Variants in SV2C observed in about 807,000 individuals in gnomAD.
SV2C encodes the protein solute carrier family 22 member B3.
In SV2C, 49 loss-of-function variants were observed where a neutral mutation model predicts 79.7. The ratio of observed to expected loss-of-function variants is 0.61; its 90% CI spans 0.49 to 0.78. The LOEUF is 0.78. Ranked by LOEUF, SV2C falls within the 30% of genes least tolerant of loss-of-function variation. SV2C has a pLI of 0.00. For synonymous variants in SV2C, 334 were observed against 333.2 expected (o/e 1.00, Z -0.03); for missense variants, 833 against 912.9 (o/e 0.91, Z 1.13).
At chr5:75,913,381 C>T in the SV2C span, among the ~76,000 whole-genome samples, 1 of 152,158 alleles carries the variant, frequency 6.6e-6, no homozygotes, top group African/African-American at 2.4e-5. Flanking sequence ...GCTCACAAAG[C>T]ATGCTATAAA....
At chr5:76,195,155 A>G in intron 3 of SV2C, 56 bp downstream of exon 3, 4 of 1,554,424 alleles carry the variant, frequency 2.6e-6, no homozygotes, top group South Asian at 2.4e-5. Flanking sequence ...ATAATTCTCC[A>G]CTCTAGAGAA....
Position 76,345,315 on chromosome 5 carries a change from A to G in SV2C, c.2001-7815A>G, listed in dbSNP as rs192909171. ...TTTAGGACACTTATTCAATAATATT[A>G]TTGATCAGTCGCCATGTGCATGGCA... On this transcript the variant is annotated intron_variant, in intron 12 of 12. Transcript: ENST00000322285. Among the ~76,000 whole-genome samples the G allele has an allele frequency of 3.9e-5, 6 of 152,346 alleles. No homozygotes were observed. The East Asian group carries it at 7.7e-4, about 20-fold the overall frequency.
At chr5:75,903,090 TA>T in the SV2C span, among the ~76,000 whole-genome samples, 3 of 152,358 alleles carry the variant, frequency 2.0e-5, no homozygotes, top group South Asian at 4.1e-4. Flanking sequence ...ACTTAGTAGT[TA>T]TTCAAAAGTG....
intron 12 of SV2C, among the ~76,000 whole-genome samples, chr5:76,314,678 A>C (rs767801034): frequency 6.6e-5 from 10 of 152,184 alleles, no homozygotes; most frequent in Non-Finnish European, 1.3e-4. Context: ...TCAGGTGAGG[A>C]AAATGCGGCA....
intron 6 of SV2C, among the ~76,000 whole-genome samples, chr5:76,289,338 C>T (rs1747468958): frequency 6.6e-6 from 1 of 152,158 alleles, no homozygotes; most frequent in Non-Finnish European, 1.5e-5. Flanking sequence ...ATGCACAAAT[C>T]TCCTGAGCTC....
chr5:76,260,103 T>C (rs1419681674), intron 4 of SV2C, among the ~76,000 whole-genome samples: 1 of 151,978 alleles, frequency 6.6e-6, no homozygotes, highest in African/African-American at 2.4e-5. Context: ...CTCTCCAGCA[T>C]GTTGTTTCCT....
intron 1 of SV2C, among the ~76,000 whole-genome samples, chr5:76,105,994 A>G (rs1191390331): frequency 2.6e-5 from 4 of 152,062 alleles, no homozygotes; most frequent in Admixed American, 6.5e-5. Context: ...CCAAATGCAT[A>G]TGTTTGGCCC....
chr5:76,036,407 G>A, the SV2C span, among the ~76,000 whole-genome samples: 15 of 151,822 alleles, frequency 9.9e-5, no homozygotes, highest in African/African-American at 2.4e-4. Context: ...CATGTTTAGT[G>A]CTTCCTTCAG....
At chr5:75,903,567 G>GC in the SV2C span, among the ~76,000 whole-genome samples, 1 of 152,050 alleles carries the variant, frequency 6.6e-6, no homozygotes. Flanking sequence ...ATATTAACCT[G>GC]AAGCCTAACT....
In SV2C at chr5:76,326,146, TA is replaced by T. The variant is rs1748991046; in HGVS notation, c.*603del. 6.6e-6 allele frequency: 1 copy of T among 152,064 alleles called. No individual in the cohort carries two copies. The highest frequency in any genetic ancestry group is 2.1e-4 in the South Asian group (1 of 4,822). The allele number at this position is 152,064 out of a possible 1,614,324, so 9.4% of individuals were successfully genotyped here. On this transcript the variant is annotated 3_prime_UTR_variant, in exon 13 of 13. Transcript: ENST00000502798. ...TTAAGGTGACCGCTGACAAGAAAAA[TA>T]AAAGCTCTGCAATTAGCAGCAAAAA...
At chr5:76,161,185 TA>T (rs1326184773) in intron 2 of SV2C, among the ~76,000 whole-genome samples, 1 of 152,024 alleles carries the variant, frequency 6.6e-6, no homozygotes, top group African/African-American at 2.4e-5. Context: ...TACTTGGCCA[TA>T]AAAAGGAATG....
the SV2C span, among the ~76,000 whole-genome samples, chr5:76,051,848 T>G: frequency 1.3e-5 from 2 of 152,208 alleles, no homozygotes; most frequent in African/African-American, 4.8e-5. Context: ...TAAGGATATT[T>G]ACTTTTCATA....
the SV2C span, among the ~76,000 whole-genome samples, chr5:76,062,526 A>T: frequency 6.6e-6 from 1 of 152,162 alleles, no homozygotes; most frequent in Admixed American, 6.5e-5. Context: ...TCTGTTCTTT[A>T]TAAATTACCC....
chr5:75,970,327 GC>G, the SV2C span, among the ~76,000 whole-genome samples: 1 of 152,056 alleles, frequency 6.6e-6, no homozygotes, highest in African/African-American at 2.4e-5. Context: ...TAAGATCAGA[GC>G]AGAACTGAAG....
intron 4 of SV2C, among the ~76,000 whole-genome samples, chr5:76,246,968 ATTCAGGTGGCATCTTTGCTT>A (rs1269492075): frequency 2.6e-5 from 4 of 152,220 alleles, no homozygotes; most frequent in Non-Finnish European, 5.9e-5. Context: ...GTACGAAGAG[ATTCAGGTGGCATCTTTGCTT>A]TTCCTCTGAA....
At chr5:75,875,378 G>A in the SV2C span, among the ~76,000 whole-genome samples, 24,778 of 152,024 alleles carry the variant, frequency 0.16, 3,014 homozygotes, top group African/African-American at 0.35. Flanking sequence ...GGCTAGCCAT[G>A]TGCAGAAGAT....
intron 2 of SV2C, among the ~76,000 whole-genome samples, chr5:76,136,505 T>C (rs1486431235): frequency 6.6e-6 from 1 of 151,572 alleles, no homozygotes; most frequent in African/African-American, 2.4e-5. Context: ...ACAAATACAC[T>C]TGTGATAAAT....
intron 2 of SV2C, among the ~76,000 whole-genome samples, chr5:76,143,825 A>G (rs1055456262): frequency 3.3e-5 from 5 of 152,250 alleles, no homozygotes; most frequent in Non-Finnish European, 7.3e-5. Flanking sequence ...AATATGTATT[A>G]GAAAATCAAG....
the SV2C span, among the ~76,000 whole-genome samples, chr5:76,054,984 C>T: frequency 6.6e-6 from 1 of 152,104 alleles, no homozygotes; most frequent in African/African-American, 2.4e-5. Context: ...TTTTGCTGTG[C>T]AAAAGTTCTT....
Sources: allele counts gnomAD v4.1 joint callset (sites outside exome capture counted in the v4.1 genomes callset), GRCh38; gene constraint gnomAD v4.1.1; transcripts MANE v1.5; gene names NCBI Gene and HGNC (gene_info 2026-07-23, HGNC 2026-07-21).